ASAP1: variants seen among roughly 807,000 people sequenced by gnomAD.
ASAP1 encodes arf-GAP with SH3 domain, ANK repeat and PH domain-containing protein 1.
Under a neutral mutation model 145.2 loss-of-function variants are expected in ASAP1, and 43 were observed. The ratio of observed to expected loss-of-function variants is 0.30; its 90% CI spans 0.23 to 0.38. ASAP1 has a LOEUF of 0.38. ASAP1 is among the 10% of genes least tolerant of loss of function. The pLI, the probability that ASAP1 is intolerant of heterozygous loss-of-function variation, is 1.00. For missense variants in ASAP1, 1,018 were observed against 1,355.3 expected (o/e 0.75, Z 3.91); for synonymous variants, 546 against 515.5 (o/e 1.06, Z -0.80).
At chr8:130,136,219 T>C (rs144995228) in intron 14 of ASAP1, among the ~76,000 whole-genome samples, 6 of 152,238 alleles carry the variant, frequency 3.9e-5, no homozygotes, top group South Asian at 4.1e-4. Context: ...CAAGCACAGG[T>C]AGCCAGCCTA....
intron 27 of ASAP1, among the ~76,000 whole-genome samples, chr8:130,071,009 G>GAGAGA (rs1450787966): frequency 0.015 from 103 of 7,012 alleles, 24 homozygotes; most frequent in African/African-American, 0.041. Flanking sequence ...GAGGGGAGGG[G>GAGAGA]GGGAGAGAGA....
At chr8:130,124,382 T>C (rs1189029132) in intron 17 of ASAP1, among the ~76,000 whole-genome samples, 3 of 152,214 alleles carry the variant, frequency 2.0e-5, no homozygotes, top group Non-Finnish European at 2.9e-5. Flanking sequence ...CAATCATGTC[T>C]ACAAATATGT....
intron 2 of ASAP1, among the ~76,000 whole-genome samples, chr8:130,384,801 C>G (rs1827937062): frequency 6.6e-6 from 1 of 152,188 alleles, no homozygotes; most frequent in African/African-American, 2.4e-5. Context: ...AATGACTCCC[C>G]ATTGTCCTGT....
chr8:130,259,185 G>A (rs1473397395), intron 3 of ASAP1, among the ~76,000 whole-genome samples: 1 of 152,166 alleles, frequency 6.6e-6, no homozygotes, highest in African/African-American at 2.4e-5. Context: ...AAGATGGGCT[G>A]AATTTTCTTC....
chr8:130,384,362 A>T (rs1458644910), intron 2 of ASAP1, among the ~76,000 whole-genome samples: 2 of 152,230 alleles, frequency 1.3e-5, no homozygotes, highest in Non-Finnish European at 2.9e-5. Context: ...TCTGCATACA[A>T]GCATCCATTC....
intron 1 of ASAP1, among the ~76,000 whole-genome samples, chr8:130,408,351 T>C (rs1829124310): frequency 2.0e-5 from 3 of 152,192 alleles, no homozygotes; most frequent in Admixed American, 6.5e-5. Flanking sequence ...ATCCAATCCA[T>C]TGAAGGCATA....
At chr8:130,247,902 G>A (rs1818948101) in intron 3 of ASAP1, among the ~76,000 whole-genome samples, 1 of 152,114 alleles carries the variant, frequency 6.6e-6, no homozygotes, top group Non-Finnish European at 1.5e-5. Flanking sequence ...ACTGATCGCT[G>A]GCATGTGTAC....
chr8:130,331,792 A>G (rs1824708432), intron 3 of ASAP1, among the ~76,000 whole-genome samples: 1 of 152,236 alleles, frequency 6.6e-6, no homozygotes, highest in South Asian at 2.1e-4. Context: ...AGACATATCT[A>G]GAAACACATA....
At chr8:130,310,149 G>A (rs1309815275) in intron 3 of ASAP1, among the ~76,000 whole-genome samples, 6 of 139,658 alleles carry the variant, frequency 4.3e-5, no homozygotes, top group Non-Finnish European at 6.2e-5. Flanking sequence ...GGGGGGGGGA[G>A]GGGGGTGAGG....
chr8:130,068,709 C>T (rs1393199736), intron 27 of ASAP1, among the ~76,000 whole-genome samples: 1 of 152,190 alleles, frequency 6.6e-6, no homozygotes, highest in Non-Finnish European at 1.5e-5. Flanking sequence ...AAGGTCTGTT[C>T]ACCCTGAGAA....
At chr8:130,357,583 C>A (rs1317528135) in intron 3 of ASAP1, among the ~76,000 whole-genome samples, 1 of 152,236 alleles carries the variant, frequency 6.6e-6, no homozygotes, top group Non-Finnish European at 1.5e-5. Context: ...CCAGTCGGGC[C>A]GCTGAGGGGT....
intron 13 of ASAP1, among the ~76,000 whole-genome samples, chr8:130,143,696 C>T (rs2097619059): frequency 6.6e-6 from 1 of 152,134 alleles, no homozygotes; most frequent in South Asian, 2.1e-4. Context: ...GAAATGCATG[C>T]AGAAACAGAA....
intron 2 of ASAP1, among the ~76,000 whole-genome samples, chr8:130,399,875 A>G (rs1586975168): frequency 7.1e-6 from 1 of 141,314 alleles, no homozygotes; most frequent in African/African-American, 2.8e-5. Context: ...GGAGTAGTAC[A>G]ATGGCGCAAT....
At chr8:130,216,671 G>C (rs1241234900) in intron 4 of ASAP1, among the ~76,000 whole-genome samples, 2 of 151,970 alleles carry the variant, frequency 1.3e-5, no homozygotes, top group South Asian at 2.1e-4. Flanking sequence ...TCAGTCTTAC[G>C]GCTTTAAATA....
intron 15 of ASAP1, among the ~76,000 whole-genome samples, chr8:130,129,300 C>A (rs1164145224): frequency 2.0e-5 from 3 of 152,092 alleles, no homozygotes; most frequent in Admixed American, 1.3e-4. Flanking sequence ...GATATAATCC[C>A]AAATTTAAAT....
chr8:130,360,125 T>C (rs1305981894), intron 2 of ASAP1, among the ~76,000 whole-genome samples: 2 of 152,256 alleles, frequency 1.3e-5, no homozygotes, highest in Admixed American at 6.5e-5. Context: ...CCAAGGCCCC[T>C]GCTCTCATGA....
intron 13 of ASAP1, among the ~76,000 whole-genome samples, chr8:130,148,623 G>C (rs952309054): frequency 6.6e-6 from 1 of 152,132 alleles, no homozygotes; most frequent in Non-Finnish European, 1.5e-5. Flanking sequence ...CAGGGTTTTT[G>C]AAGAACATAG....
chr8:130,162,055 C>T (rs369690604), intron 11 of ASAP1, among the ~76,000 whole-genome samples: 3 of 152,190 alleles, frequency 2.0e-5, no homozygotes, highest in South Asian at 4.1e-4. Flanking sequence ...CTACTTTGGC[C>T]TTCCGAGGTG....
intron 13 of ASAP1, among the ~76,000 whole-genome samples, chr8:130,147,168 G>C (rs912477264): frequency 7.6e-6 from 1 of 130,740 alleles, no homozygotes; most frequent in African/African-American, 3.0e-5. Context: ...CCAAGATGGT[G>C]CCACTGCACT....
Sources: allele counts gnomAD v4.1 joint callset (sites outside exome capture counted in the v4.1 genomes callset), GRCh38; gene constraint gnomAD v4.1.1; transcripts MANE v1.5; gene names NCBI Gene and HGNC (gene_info 2026-07-23, HGNC 2026-07-21).